The following INSL6 variants were observed in gnomAD, a reference collection of about 807,000 sequenced individuals.
The protein encoded by INSL6 is insulin-like peptide INSL6.
Under a neutral mutation model 9.4 loss-of-function variants are expected in INSL6, and 16 were observed. The ratio of observed to expected loss-of-function variants is 1.70; its 90% CI spans 1.15 to 2.59. INSL6 has a LOEUF of 2.59. INSL6 is among the 30% of genes most tolerant of loss of function. The pLI is 0.00. For synonymous variants in INSL6, 154 were observed against 96.9 expected, an observed-to-expected ratio of 1.59 and a Z score of -3.46; for missense variants, 391 against 257.3, an observed-to-expected ratio of 1.52 and a Z score of -3.56.
At chr9:5,095,018 A>T in the INSL6 span, 1 of 151,976 alleles carries the variant, frequency 6.6e-6, no homozygotes, top group African/African-American at 2.4e-5. Context: ...CCCCAAACAT[A>T]GGAAATATGT....
the INSL6 span, among the ~76,000 whole-genome samples, chr9:5,004,270 A>G: frequency 3.9e-5 from 6 of 152,002 alleles, no homozygotes; most frequent in Admixed American, 3.3e-4. Flanking sequence ...CCTTTGACCA[A>G]CGTCTCCCAT....
chr9:5,148,750 C>G (rs1358252054), intron 2 of INSL6, among the ~76,000 whole-genome samples: 1 of 152,172 alleles, frequency 6.6e-6, no homozygotes, highest in African/African-American at 2.4e-5. Flanking sequence ...CTCGTGGCTC[C>G]CTTTTCCAGA....
At chr9:5,103,500 TAGAC>T in the INSL6 span, among the ~76,000 whole-genome samples, 7 of 151,982 alleles carry the variant, frequency 4.6e-5, no homozygotes, top group African/African-American at 1.2e-4. Context: ...CTGTCAATAA[TAGAC>T]AGATCAATGA....
downstream of INSL6, among the ~76,000 whole-genome samples, chr9:5,163,524 G>T (rs181082209): frequency 1.3e-5 from 2 of 152,270 alleles, no homozygotes; most frequent in African/African-American, 4.8e-5. Flanking sequence ...GGGACAGATG[G>T]GTCGACATCT....
the INSL6 span, chr9:5,110,606 T>A: frequency 5.3e-6 from 1 of 190,030 alleles, no homozygotes; most frequent in Non-Finnish European, 1.1e-5. Flanking sequence ...CACTTACAGA[T>A]ATGCCTTTCT....
At chr9:5,120,209 C>T (rs1244990164), downstream of INSL6, among the ~76,000 whole-genome samples, 4 of 152,250 alleles carry the variant, frequency 2.6e-5, no homozygotes, top group South Asian at 4.1e-4. Context: ...AGTGGAAGGG[C>T]GAGAGGGGCC....
At chr9:5,172,086 A>G (rs2130912968) in intron 1 of INSL6, among the ~76,000 whole-genome samples, 1 of 152,324 alleles carries the variant, frequency 6.6e-6, no homozygotes, top group East Asian at 1.9e-4. Context: ...ACTTCAAACT[A>G]TACTACAAGG....
chr9:5,034,756 T>C, the INSL6 span, among the ~76,000 whole-genome samples: 1 of 152,012 alleles, frequency 6.6e-6, no homozygotes, highest in Non-Finnish European at 1.5e-5. Context: ...GAGGGAAATT[T>C]ATAGCACTAA....
chr9:5,067,356 A>G, the INSL6 span, among the ~76,000 whole-genome samples: 7 of 152,176 alleles, frequency 4.6e-5, no homozygotes, highest in African/African-American at 1.2e-4. Flanking sequence ...GATCTCATCT[A>G]TGATTATATA....
chr9:5,029,773 T>G, the INSL6 span: 1 of 1,600,458 alleles, frequency 6.2e-7, no homozygotes, highest in South Asian at 1.1e-5. Flanking sequence ...TTTCTCTGCT[T>G]CTTTTCTAGG....
chr9:5,003,463 T>C, the INSL6 span, among the ~76,000 whole-genome samples: 2 of 152,046 alleles, frequency 1.3e-5, no homozygotes, highest in Non-Finnish European at 2.9e-5. Flanking sequence ...CCTAGGTATT[T>C]GATTTTTTGT....
the INSL6 span, among the ~76,000 whole-genome samples, chr9:5,051,719 A>G: frequency 6.6e-6 from 1 of 152,172 alleles, no homozygotes; most frequent in African/African-American, 2.4e-5. Flanking sequence ...ATTTGAGTAC[A>G]TCATGAGTGT....
chr9:5,126,752 T>C, intron 3 of INSL6: 1 of 1,610,670 alleles, frequency 6.2e-7, no homozygotes. Context: ...GGGATCTAGC[T>C]CTTCGAGTGG....
At chr9:5,155,832 T>C (rs1051365784) in intron 2 of INSL6, among the ~76,000 whole-genome samples, 8 of 151,974 alleles carry the variant, frequency 5.3e-5, no homozygotes, top group Admixed American at 2.6e-4. Context: ...GATGGGTTTA[T>C]GGGTGCAGCA....
chr9:5,161,285 C>T (rs1179158266), downstream of INSL6, among the ~76,000 whole-genome samples: 1 of 152,156 alleles, frequency 6.6e-6, no homozygotes, highest in African/African-American at 2.4e-5. Context: ...TCAACATTTG[C>T]AAGTCAATCA....
the INSL6 span, among the ~76,000 whole-genome samples, chr9:5,047,172 C>T: frequency 3.3e-5 from 5 of 152,078 alleles, no homozygotes; most frequent in African/African-American, 7.2e-5. Context: ...ATTTAGATTA[C>T]TCTAAGATTG....
the INSL6 span, among the ~76,000 whole-genome samples, chr9:5,116,079 G>A: frequency 6.6e-6 from 1 of 151,794 alleles, no homozygotes; most frequent in Admixed American, 6.6e-5. Context: ...AAAAAACAGT[G>A]AACATTTATT....
chr9:4,995,145 A>G, the INSL6 span, among the ~76,000 whole-genome samples: 6 of 152,354 alleles, frequency 3.9e-5, no homozygotes, highest in South Asian at 4.1e-4. Flanking sequence ...GAATCTCATT[A>G]TAATTTTAAT....
chr9:5,090,891 T>G, the INSL6 span: 1 of 1,604,456 alleles, frequency 6.2e-7, no homozygotes, highest in South Asian at 1.1e-5. Context: ...TAAAAGAACC[T>G]GGTGAAAGTC....
Sources: allele counts gnomAD v4.1 joint callset (sites outside exome capture counted in the v4.1 genomes callset), GRCh38; gene constraint gnomAD v4.1.1; transcripts MANE v1.5; gene names NCBI Gene and HGNC (gene_info 2026-07-23, HGNC 2026-07-21).